The following CAPNS1 variants were observed in gnomAD, a reference collection of about 807,000 sequenced individuals.
CAPNS1 encodes the protein calpain small subunit 1.
CAPNS1 carries 32 observed loss-of-function variants against 39.2 expected under a neutral mutation model. The observed-to-expected ratio is 0.82, with a 90% CI of 0.62 to 1.10. The LOEUF is 1.10. CAPNS1 is among the 50% of genes least tolerant of loss of function. CAPNS1 has a pLI of 0.00. For missense variants in CAPNS1, 353 were observed against 373.1 expected (o/e 0.95, Z 0.44); for synonymous variants, 153 against 136.2 (o/e 1.12, Z -0.86).
At chr19:36,148,528 G>C (rs1195559635) in intron 9 of CAPNS1, among the ~76,000 whole-genome samples, 1 of 124,512 alleles carries the variant, frequency 8.0e-6, no homozygotes, top group African/African-American at 3.0e-5. Flanking sequence ...AAAAAAAAAA[G>C]GGCTGGGCAT....
intron 1 of CAPNS1, 149 bp from the exon 2 acceptor site, chr19:36,140,848 C>T: frequency 8.2e-7 from 1 of 1,219,890 alleles, no homozygotes; most frequent in Non-Finnish European, 1.1e-6. Flanking sequence ...ACCTGCCCCA[C>T]CCATCCGCGG....
intron 2 of CAPNS1, 107 bp downstream of exon 2, chr19:36,141,327 G>A (rs1599875878): frequency 7.2e-7 from 1 of 1,395,976 alleles, no homozygotes; most frequent in Admixed American, 3.6e-5. Context: ...TTAACCTGGA[G>A]GCTAACCTGG....
intron 8 of CAPNS1, 61 bp downstream of exon 8, chr19:36,146,115 G>T: frequency 6.3e-7 from 1 of 1,592,042 alleles, no homozygotes; most frequent in Non-Finnish European, 8.6e-7. Flanking sequence ...CCTCTACTCA[G>T]CTGGTCTGGG....
intron 9 of CAPNS1, among the ~76,000 whole-genome samples, chr19:36,147,445 G>A (rs1293498215): frequency 2.0e-5 from 3 of 152,174 alleles, no homozygotes; most frequent in African/African-American, 7.2e-5. Flanking sequence ...GCAGAGGGAG[G>A]ACAGGGTCAG....
intron 1 of CAPNS1, 27 bp from the exon 2 acceptor site, chr19:36,140,970 C>A (rs758750557): frequency 3.1e-6 from 5 of 1,598,562 alleles, no homozygotes; most frequent in Non-Finnish European, 4.3e-6. Context: ...GGGCGAAGCA[C>A]CCACTGGTCC....
rs753035170 is a variant in CAPNS1 at position 36,143,056 on chromosome 19, A to C, written c.392-8A>C. ...TCTGGCCTCTGACTTTCAACCTGTT[A>C]CCCACAGACCCTGATCTGAAGACTG... On this transcript the variant is annotated splice_polypyrimidine_tract_variant and splice_region_variant and intron_variant, in intron 5 of 10. Coordinates refer to ENST00000246533, the MANE Select transcript of CAPNS1 (RefSeq NM_001749.4). The C allele has an allele frequency of 1.9e-6, 3 of 1,614,146 alleles. No homozygotes were observed. In the South Asian group the frequency reaches 3.3e-5, roughly 18 times the overall value.
chr19:36,149,550 C>A, intron 9 of CAPNS1, 28 bp from the exon 10 acceptor site: 1 of 1,447,582 alleles, frequency 6.9e-7, no homozygotes. Context: ...CCTTCCCTGC[C>A]GCCAAACCTC....
chr19:36,143,726 A>G (rs1974461880), intron 6 of CAPNS1, among the ~76,000 whole-genome samples: 1 of 146,964 alleles, frequency 6.8e-6, no homozygotes, highest in Non-Finnish European at 1.5e-5. Flanking sequence ...AGCCGGGCGT[A>G]GTGGCGGGCG....
At chr19:36,141,684 G>A in intron 2 of CAPNS1, 1 of 827,250 alleles carries the variant, frequency 1.2e-6, no homozygotes, top group Non-Finnish European at 1.5e-6. Flanking sequence ...ACCTAATGGG[G>A]TAGGGTAAAT....
At chr19:36,145,060 A>C (rs1273444369) in intron 6 of CAPNS1, among the ~76,000 whole-genome samples, 1 of 152,158 alleles carries the variant, frequency 6.6e-6, no homozygotes, top group Non-Finnish European at 1.5e-5. Context: ...GTGGATCCTG[A>C]GTTCAAGCGA....
At chr19:36,148,911 TG>T (rs1974674264) in intron 9 of CAPNS1, among the ~76,000 whole-genome samples, 1 of 151,842 alleles carries the variant, frequency 6.6e-6, no homozygotes, top group African/African-American at 2.4e-5. Flanking sequence ...GTAGTCATCA[TG>T]TCTAGATTCC....
chr19:36,149,079 G>C (rs1482774202), intron 9 of CAPNS1, among the ~76,000 whole-genome samples: 1 of 152,156 alleles, frequency 6.6e-6, no homozygotes, highest in African/African-American at 2.4e-5. Flanking sequence ...TAGGAGGCTG[G>C]GGCTGGGCAG....
rs777534419 is a variant in CAPNS1, at chr19:36,142,651, G to A, written c.244-1G>A. The A allele has an allele frequency of 3.7e-6, 6 of 1,613,748 alleles. No individual in the cohort carries two copies. Among genetic ancestry groups the A allele is most frequent in the South Asian group, 2.2e-5 (2 of 91,070 alleles). On this transcript the variant is annotated splice_acceptor_variant, in intron 3 of 10. Coordinates refer to ENST00000246533, the MANE Select transcript of CAPNS1 (RefSeq NM_001749.4). LOFTEE classifies it high-confidence loss of function. ...TGCTCTGAGCTCTCCTCCCTTTGCA[G>A]CCCCCACGCACACATTACTCCAACA... is the stretch of plus-strand genomic sequence containing the variant.
Position 36,145,866 on chromosome 19 carries a change from A to T in CAPNS1, c.517A>T (p.Arg173Trp). The T allele has an allele frequency of 6.2e-7, 1 of 1,614,180 alleles. No homozygotes were observed. Among genetic ancestry groups the T allele is most frequent in the African/African-American group, 1.3e-5 (1 of 75,044 alleles). Residue 173 changes from arginine (R) to tryptophan (W), a missense_variant, in exon 7 of 11, where the codon AGG becomes TGG. Transcript: ENST00000246533. ...CAAGTACTTGTGGAACAACATCAAAAGGTGGCAGGTGTGTAGAAACCTCTG... is the reference window on the plus strand; with the variant it reads ...CAAGTACTTGTGGAACAACATCAAATGGTGGCAGGTGTGTAGAAACCTCTG... ...EFKYLWNNIK[R>W]WQAIYKQFDT...
Position 36,146,192 on chromosome 19 carries a change from T to C in CAPNS1, c.605-4T>C. On this transcript the variant is annotated splice_region_variant and splice_polypyrimidine_tract_variant and intron_variant, in intron 8 of 10. Transcript: ENST00000246533. Reference sequence around the variant, plus strand: ...CCGCACCTGAAGGACTACATCCATCTTAGGGTTCCACCTGAATGAGCATCT... The same window carrying C: ...CCGCACCTGAAGGACTACATCCATCCTAGGGTTCCACCTGAATGAGCATCT... 3.1e-6 allele frequency: 5 copies of C among 1,607,932 alleles called. No homozygotes were observed. The highest frequency in any genetic ancestry group is 4.3e-6 in the Non-Finnish European group (5 of 1,174,290).
intron 6 of CAPNS1, among the ~76,000 whole-genome samples, chr19:36,143,745 C>G (rs1172363067): frequency 6.7e-6 from 1 of 150,076 alleles, no homozygotes; most frequent in Admixed American, 6.7e-5. Context: ...CGCCTGTAGT[C>G]CCAGCTATTC....
intron 4 of CAPNS1, 73 bp from the exon 5 acceptor site, chr19:36,142,836 G>A: frequency 6.3e-7 from 1 of 1,591,316 alleles, no homozygotes; most frequent in Non-Finnish European, 8.6e-7. Context: ...GACAATCCCA[G>A]TGTTCCCATT....
At chr19:36,145,061 G>A (rs558466771) in intron 6 of CAPNS1, among the ~76,000 whole-genome samples, 1 of 152,190 alleles carries the variant, frequency 6.6e-6, no homozygotes, top group South Asian at 2.1e-4. Context: ...TGGATCCTGA[G>A]TTCAAGCGAT....
At chr19:36,141,333 C>G in intron 2 of CAPNS1, 113 bp downstream of exon 2, 1 of 1,388,982 alleles carries the variant, frequency 7.2e-7, no homozygotes, top group Non-Finnish European at 9.3e-7. Context: ...TGGAGGCTAA[C>G]CTGGGTACAT....
Sources: gnomAD v4.1 joint callset for allele counts (sites outside exome capture counted in the v4.1 genomes callset) on GRCh38, gnomAD v4.1.1 for gene constraint, MANE v1.5 for transcripts, NCBI Gene and HGNC (gene_info 2026-07-23, HGNC 2026-07-21) for gene names.